Variants in KIF13A observed in about 807,000 individuals in gnomAD.
KIF13A encodes the protein kinesin family member 13A, also known as kinesin-like protein KIF13A.
KIF13A carries 79 observed loss-of-function variants against 212.2 expected under a neutral mutation model. The observed-to-expected ratio is 0.37, with a 90% CI of 0.31 to 0.45. The LOEUF (loss-of-function observed/expected upper bound fraction) is 0.45, where lower values mean the gene tolerates loss of function less well. KIF13A is among the 20% of genes least tolerant of loss of function. KIF13A has a pLI of 1.00. For synonymous variants in KIF13A, 789 were observed against 808.6 expected (o/e 0.98, Z 0.41); for missense variants, 1,901 against 2,209.0 (o/e 0.86, Z 2.79).
chr6:17,794,264 C>T lies in KIF13A; in HGVS notation c.3207G>A (p.Gly1069=). ...CTTGTCTTACCTGGTAACTGTCCAGCCCTCTTTGGAGTTTGGTGGACCTGG... is the reference window on the plus strand; with the variant it reads ...CTTGTCTTACCTGGTAACTGTCCAGTCCTCTTTGGAGTTTGGTGGACCTGG... The part of the protein sequence containing the change: ...VTARSTKLQR[G]LDSYQRDDED... The change falls in exon 25 of 39, where the codon GGG becomes GGA. Residue 1069 remains glycine (G), a synonymous_variant. Coordinates refer to ENST00000259711, the MANE Select transcript of KIF13A (RefSeq NM_022113.6). The surrounding 1 kb of genome is among the most constrained non-coding windows in gnomAD (Gnocchi z 4.1). 6.2e-7 allele frequency: 1 copy of T among 1,612,984 alleles called. No individual in the cohort carries two copies. Among genetic ancestry groups the T allele is most frequent in the Non-Finnish European group, 8.5e-7 (1 of 1,179,176 alleles).
chr6:17,861,362 C>G (rs748757209), intron 4 of KIF13A, among the ~76,000 whole-genome samples: 1 of 151,944 alleles, frequency 6.6e-6, no homozygotes, highest in Non-Finnish European at 1.5e-5. Context: ...AAATATACAT[C>G]AACATTAGCA....
chr6:17,777,969 TC>T lies in KIF13A; in HGVS notation c.4093-616del, dbSNP rs1760152798. On this transcript the variant is annotated intron_variant, in intron 33 of 38. Coordinates refer to ENST00000259711, the MANE Select transcript of KIF13A (RefSeq NM_022113.6). The surrounding 1 kb of genome is among the most constrained non-coding windows in gnomAD (Gnocchi z 4.4). ...CTGGCCAACATGGTAAAACCCTGTTTCTACTAAAAAATACAAAAATTAGCTG... is the reference window on the plus strand; with the variant it reads ...CTGGCCAACATGGTAAAACCCTGTTTTACTAAAAAATACAAAAATTAGCTG... Among the ~76,000 whole-genome samples the T allele has an allele frequency of 6.6e-6, 1 of 152,024 alleles. No homozygotes were observed. The highest frequency in any genetic ancestry group is 6.6e-5 in the Admixed American group (1 of 15,234).
Position 17,833,470 on chromosome 6 carries a change from C to A in KIF13A, c.1266+491G>T, listed in dbSNP as rs1238321625. Among the ~76,000 whole-genome samples, 5 of 144,356 alleles carry A rather than the reference C, an allele frequency of 3.5e-5. No individual in the cohort carries two copies. In the Admixed American group the frequency reaches 3.6e-4, roughly 11 times the overall value. The allele number at this position is 144,356 out of a possible 152,430, so 94.7% of individuals were successfully genotyped here. A position where few individuals can be genotyped will look rare whatever the true frequency, so the allele number is the denominator to read the frequency against. ...TGTGATTGAGCTGCTGTACTCCAGCCTGGGTGACAGAGGGAGACCTTGTCT... is the reference window on the plus strand; with the variant it reads ...TGTGATTGAGCTGCTGTACTCCAGCATGGGTGACAGAGGGAGACCTTGTCT... On this transcript the variant is annotated intron_variant, in intron 12 of 38. Transcript: ENST00000259711.
chr6:17,964,468 A>G (rs1449608243), intron 2 of KIF13A, among the ~76,000 whole-genome samples: 1 of 152,158 alleles, frequency 6.6e-6, no homozygotes, highest in Admixed American at 6.5e-5. Flanking sequence ...TAGAAAGCAA[A>G]AATTAAAATA....
rs1772523324 is a variant in KIF13A, at chr6:17,895,997, A to G, written c.159+2171T>C. Among the ~76,000 whole-genome samples, 1 of 152,082 alleles carries G rather than the reference A, an allele frequency of 6.6e-6. No individual in the cohort carries two copies. Among genetic ancestry groups the G allele is most frequent in the Admixed American group, 6.6e-5 (1 of 15,256 alleles). On this transcript the variant is annotated intron_variant, in intron 3 of 38. Transcript: ENST00000259711. The surrounding 1 kb of genome is among the most constrained non-coding windows in gnomAD (Gnocchi z 4.4). ...TCAATTTTATATTGTGCACATACCA[A>G]TCATCCTTTGGTATATGTGGGGAAT...
At chr6:17,977,284 T>C (rs1780647437) in intron 2 of KIF13A, among the ~76,000 whole-genome samples, 1 of 152,182 alleles carries the variant, frequency 6.6e-6, no homozygotes, top group Admixed American at 6.5e-5. Flanking sequence ...TACCATGTCG[T>C]CTCTCATACT....
In KIF13A at chr6:17,772,498, T is replaced by G. The variant is rs192182872; in HGVS notation, c.4325-439A>C. ...ACCATGGAACAGATGTAGGCAAGAA[T>G]AGACATAAATCTGTGATGTCACAAA... On this transcript the variant is annotated intron_variant, in intron 36 of 38. Transcript: ENST00000259711. The surrounding 1 kb of genome is among the most constrained non-coding windows in gnomAD (Gnocchi z 4.8). Among the ~76,000 whole-genome samples the G allele has an allele frequency of 5.3e-5, 8 of 152,170 alleles. No homozygotes were observed. Among genetic ancestry groups the G allele is most frequent in the African/African-American group, 1.9e-4 (8 of 41,450 alleles).
chr6:17,816,755 C>A lies in KIF13A; in HGVS notation c.2000+265G>T, dbSNP rs532762589. Among the ~76,000 whole-genome samples the A allele has an allele frequency of 3.3e-5, 5 of 152,312 alleles. No homozygotes were observed. The highest frequency in any genetic ancestry group is 5.9e-5 in the Non-Finnish European group (4 of 68,038). On this transcript the variant is annotated intron_variant, in intron 17 of 38. Transcript: ENST00000259711. The surrounding 1 kb of genome is among the most constrained non-coding windows in gnomAD (Gnocchi z 4.3). ...CAAACTTTCTAAATTTCAATACATA[C>A]CTGTCTAACCCTTGCAACTTGGCAC...
At chr6:17,978,455 T>C (rs1293789849) in intron 2 of KIF13A, among the ~76,000 whole-genome samples, 1 of 152,238 alleles carries the variant, frequency 6.6e-6, no homozygotes, top group Admixed American at 6.5e-5. Flanking sequence ...CATCTAAATT[T>C]TAGCATTTCC....
intron 2 of KIF13A, chr6:17,953,467 G>T (rs1407959877): frequency 3.9e-5 from 6 of 152,192 alleles, no homozygotes; most frequent in Admixed American, 2.0e-4. Flanking sequence ...GTCATGTAAT[G>T]GAAATTACAG....
rs1021996021 is a variant in KIF13A at position 17,926,053 on chromosome 6, A to C, written c.147-27873T>G. 9.2e-5 allele frequency among the ~76,000 whole-genome samples: 14 copies of C among 152,152 alleles called. No individual in the cohort carries two copies. The highest frequency in any genetic ancestry group is 9.2e-4 in the Admixed American group (14 of 15,272). ...GCTGTATCTATGATGCTCTTATGTA[A>C]AATGCTCATCTTATAATGAAGATGT... On this transcript the variant is annotated intron_variant, in intron 2 of 38. Transcript: ENST00000259711. The surrounding 1 kb of genome is among the most constrained non-coding windows in gnomAD (Gnocchi z 4.3).
chr6:17,845,997 A>C (rs552016952), intron 9 of KIF13A, among the ~76,000 whole-genome samples: 2 of 148,958 alleles, frequency 1.3e-5, no homozygotes, highest in Non-Finnish European at 3.0e-5. Flanking sequence ...GACGAGAGAA[A>C]GCTTAAGAAC....
intron 11 of KIF13A, among the ~76,000 whole-genome samples, chr6:17,836,489 A>G (rs1195666213): frequency 6.6e-6 from 1 of 152,196 alleles, no homozygotes; most frequent in Non-Finnish European, 1.5e-5. Context: ...GGTCCTCACA[A>G]TGCTTAGCAT....
Position 17,789,903 on chromosome 6 carries a change from T to A in KIF13A, c.3230A>T (p.Asp1077Val), listed in dbSNP as rs1383146587. The change falls in exon 26 of 39, where the codon GAT becomes GTT. Residue 1077 changes from aspartate to valine, a missense_variant. Asp to Val is a radical substitution (Grantham distance 152, BLOSUM62 -3). Around this residue, in one of 5 missense-constraint regions of KIF13A, gnomAD observed 168 missense variants for 250.9 expected, o/e 0.67. Coordinates refer to ENST00000259711, the MANE Select transcript of KIF13A (RefSeq NM_022113.6). This position sits in a 1 kb window ranked among gnomAD's most constrained non-coding sequence, Gnocchi z 4.8. ...ACTATCCATATCATCACCATCCTCA[T>A]CATCTCTCTGGTAGGAAAAAATAAA... ...QRGLDSYQRDDEDGDDMDSYQ... is the reference protein window; with the variant it reads ...QRGLDSYQRDVEDGDDMDSYQ... 6.2e-7 allele frequency: 1 copy of A among 1,613,030 alleles called. No individual in the cohort carries two copies.
intron 2 of KIF13A, among the ~76,000 whole-genome samples, chr6:17,974,924 G>A (rs1378568085): frequency 6.6e-6 from 1 of 152,208 alleles, no homozygotes; most frequent in Non-Finnish European, 1.5e-5. Context: ...TACCACATTG[G>A]ACAGTGAAGA....
chr6:17,983,927 C>T (rs1781327874), intron 2 of KIF13A, among the ~76,000 whole-genome samples: 2 of 152,190 alleles, frequency 1.3e-5, no homozygotes, highest in Non-Finnish European at 2.9e-5. Flanking sequence ...TGAACCTATG[C>T]TCTCAGCATC....
At chr6:17,917,332 C>T (rs1774619583) in intron 2 of KIF13A, among the ~76,000 whole-genome samples, 1 of 149,046 alleles carries the variant, frequency 6.7e-6, no homozygotes, top group Admixed American at 6.8e-5. Flanking sequence ...CCTCTGCCTC[C>T]TGGGTTCAAG....
At chr6:17,864,908 T>C (rs556916627) in intron 4 of KIF13A, among the ~76,000 whole-genome samples, 2 of 152,242 alleles carry the variant, frequency 1.3e-5, no homozygotes, top group African/African-American at 4.8e-5. Context: ...GGGAGATGGG[T>C]AACCAAGGCA....
rs1240139345 is a variant in KIF13A at position 17,918,721 on chromosome 6, C to A, written c.147-20541G>T. ...CTCCCTCTGCCTGGAAAGCCCTCTC[C>A]AGGGCTTGCTCCTCAGAGGAGTGTT... On this transcript the variant is annotated intron_variant, in intron 2 of 38. Coordinates refer to ENST00000259711, the MANE Select transcript of KIF13A (RefSeq NM_022113.6). The surrounding 1 kb of genome is among the most constrained non-coding windows in gnomAD (Gnocchi z 4.8). Among the ~76,000 whole-genome samples the A allele has an allele frequency of 6.6e-6, 1 of 152,160 alleles. No individual in the cohort carries two copies. The highest frequency in any genetic ancestry group is 2.4e-5 in the African/African-American group (1 of 41,422).
Sources: gnomAD v4.1 joint callset for allele counts (sites outside exome capture counted in the v4.1 genomes callset) on GRCh38, gnomAD v4.1.1 for gene constraint, gnomAD v4.1.1 regional missense constraint, Gnocchi (gnomAD v3.1) non-coding constraint, MANE v1.5 for transcripts, NCBI Gene and HGNC (gene_info 2026-07-23, HGNC 2026-07-21) for gene names.